The following DGKB variants were observed in gnomAD, a reference collection of about 807,000 sequenced individuals.
The protein encoded by DGKB is 90 kDa diacylglycerol kinase.
A neutral mutation model predicts 114.3 loss-of-function variants in DGKB; 67 were observed. That is an observed-to-expected ratio of 0.59 (90% CI 0.48 to 0.72). The LOEUF is 0.72. Among genes scored for constraint, DGKB ranks in the 30% least tolerant of loss-of-function variants. The pLI is 0.00. For synonymous variants in DGKB, 398 were observed against 323.1 expected (o/e 1.23, Z -2.49); for missense variants, 907 against 975.2 (o/e 0.93, Z 0.93).
chr7:14,530,013 G>A (rs750356537), intron 20 of DGKB, among the ~76,000 whole-genome samples: 2 of 151,668 alleles, frequency 1.3e-5, no homozygotes, highest in Admixed American at 6.6e-5. Context: ...ATGGACTGGA[G>A]TAGATTTATT....
chr7:14,362,702 T>A (rs182394186), intron 21 of DGKB, among the ~76,000 whole-genome samples: 214 of 152,246 alleles, frequency 1.4e-3, no homozygotes, highest in Non-Finnish European at 2.5e-3. Context: ...ATTTCTGGAC[T>A]AAGTTTTATA....
At chr7:14,435,707 T>A (rs557503775) in intron 21 of DGKB, among the ~76,000 whole-genome samples, 65 of 152,100 alleles carry the variant, frequency 4.3e-4, no homozygotes, top group Admixed American at 1.2e-3. Flanking sequence ...CTGTTCTTCA[T>A]GCAACAATAA....
intron 21 of DGKB, among the ~76,000 whole-genome samples, chr7:14,453,550 T>C (rs1046213205): frequency 1.3e-5 from 2 of 152,144 alleles, no homozygotes; most frequent in Non-Finnish European, 2.9e-5. Context: ...ACTGCATTTC[T>C]AACCATCTCC....
intron 2 of DGKB, among the ~76,000 whole-genome samples, chr7:14,769,125 G>GAAAGAAAGAAAGAA (rs879425687): frequency 6.0e-5 from 5 of 83,798 alleles, no homozygotes; most frequent in African/African-American, 9.2e-5. Context: ...AAGAAAGAAA[G>GAAAGAAAGAAAGAA]AGAGAGAGAG....
chr7:14,856,985 G>A (rs1158192876), intron 1 of DGKB, among the ~76,000 whole-genome samples: 1 of 152,094 alleles, frequency 6.6e-6, no homozygotes, highest in Non-Finnish European at 1.5e-5. Flanking sequence ...CCTGAAACAT[G>A]TTCCTGACCA....
rs755037246 is a variant in DGKB, at chr7:14,574,388, A to G, written c.1610-16T>C. 1.9e-6 allele frequency: 3 copies of G among 1,598,848 alleles called. No individual in the cohort carries two copies. The South Asian group carries it at 3.4e-5, about 18-fold the overall frequency. On this transcript the variant is annotated splice_polypyrimidine_tract_variant and intron_variant, in intron 19 of 25. Coordinates refer to ENST00000402815, the MANE Select transcript of DGKB (RefSeq NM_001350709.2). ...CCTTCGTAACCTAGTGGGAAAAAAA[A>G]ATACCTTGAGAAAAGAACTCTAACC...
At chr7:14,431,430 C>A (rs1459586636) in intron 21 of DGKB, among the ~76,000 whole-genome samples, 1 of 152,016 alleles carries the variant, frequency 6.6e-6, no homozygotes, top group Non-Finnish European at 1.5e-5. Context: ...TTGGATCAAC[C>A]TAATATTAAG....
chr7:14,910,420 A>C (rs1783942637), intron 1 of DGKB, among the ~76,000 whole-genome samples: 1 of 152,128 alleles, frequency 6.6e-6, no homozygotes, highest in South Asian at 2.1e-4. Flanking sequence ...TTCTTCCAAA[A>C]CATATTAAAA....
chr7:14,859,450 A>T (rs962348403), intron 1 of DGKB, among the ~76,000 whole-genome samples: 3 of 152,114 alleles, frequency 2.0e-5, no homozygotes, highest in Non-Finnish European at 1.5e-5. Flanking sequence ...AAGATAAGAA[A>T]ATGACTTCAA....
chr7:14,668,066 T>C (rs1377340863), intron 13 of DGKB, among the ~76,000 whole-genome samples: 1 of 152,028 alleles, frequency 6.6e-6, no homozygotes, highest in Non-Finnish European at 1.5e-5. Context: ...GGGATTCAAA[T>C]AGGGAATCAC....
chr7:14,264,597 T>C (rs1479578039), intron 23 of DGKB, among the ~76,000 whole-genome samples: 2 of 152,196 alleles, frequency 1.3e-5, no homozygotes, highest in Non-Finnish European at 2.9e-5. Flanking sequence ...AATTTTTAGA[T>C]CTATGAGTTG....
intron 10 of DGKB, among the ~76,000 whole-genome samples, chr7:14,683,442 A>G (rs1180929025): frequency 6.6e-6 from 1 of 152,160 alleles, no homozygotes; most frequent in African/African-American, 2.4e-5. Flanking sequence ...ATATGGAAAA[A>G]TTTATGTCAC....
intron 20 of DGKB, among the ~76,000 whole-genome samples, chr7:14,553,865 C>T (rs1469935157): frequency 8.3e-4 from 59 of 71,200 alleles, no homozygotes; most frequent in Admixed American, 2.6e-3. Context: ...CCTTTACATG[C>T]TTTTTTTTTT....
chr7:14,775,021 A>G (rs969270644), intron 2 of DGKB, among the ~76,000 whole-genome samples: 2 of 152,106 alleles, frequency 1.3e-5, no homozygotes, highest in African/African-American at 4.8e-5. Flanking sequence ...AGAATATATA[A>G]CCTTCCATGA....
chr7:14,462,386 C>A (rs1833214838), intron 21 of DGKB, among the ~76,000 whole-genome samples: 1 of 152,148 alleles, frequency 6.6e-6, no homozygotes, highest in Non-Finnish European at 1.5e-5. Context: ...TCTCCTTAAG[C>A]TGATAAGCAA....
rs1483834730 is a variant in DGKB, at chr7:14,338,609, A to C, written c.2028T>G (p.Ser676=). The change falls in exon 23 of 26, where the codon TCT becomes TCG. Residue 676 remains serine, a synonymous_variant. Transcript: ENST00000402815. The stretch of plus-strand genomic sequence containing the variant: ...TTCGTCGATGGCTTCGTCTTTTCTT[A>C]GACTCTCCCCAAAGATTGGATCCTC... ...MHGGSNLWGE[S]KKRRSHRRIE... 1 of 1,610,864 alleles carries C rather than the reference A, an allele frequency of 6.2e-7. No individual in the cohort carries two copies.
rs186403692 is a variant in DGKB, at chr7:14,682,910, T to C, written c.830-69A>G. On this transcript the variant is annotated intron_variant, in intron 10 of 25. Coordinates refer to ENST00000402815, the MANE Select transcript of DGKB (RefSeq NM_001350709.2). ...TGGTTGTAATTTTATAGAGAAAGAATGACATTAACAGAACCTCATTTCATA... is the reference window on the plus strand; with the variant it reads ...TGGTTGTAATTTTATAGAGAAAGAACGACATTAACAGAACCTCATTTCATA... The C allele has an allele frequency of 2.0e-4, 220 of 1,087,344 alleles. No homozygotes were observed. In the African/African-American group the frequency reaches 2.7e-3, roughly 13 times the overall value. The allele number at this position is 1,087,344 out of a possible 1,614,324, so 67.4% of individuals were successfully genotyped here. A position where few individuals can be genotyped will look rare whatever the true frequency, so the allele number is the denominator to read the frequency against.
intron 23 of DGKB, among the ~76,000 whole-genome samples, chr7:14,216,264 T>C (rs1050779623): frequency 2.0e-5 from 3 of 152,084 alleles, no homozygotes; most frequent in African/African-American, 7.2e-5. Flanking sequence ...AGAGAAGAAA[T>C]AAAATGACAC....
intron 20 of DGKB, among the ~76,000 whole-genome samples, chr7:14,512,575 C>A (rs1169023900): frequency 6.6e-6 from 1 of 152,028 alleles, no homozygotes; most frequent in Non-Finnish European, 1.5e-5. Flanking sequence ...TTTCTTAAAT[C>A]ATTCCTATAG....
Sources: gnomAD v4.1 joint callset for allele counts (sites outside exome capture counted in the v4.1 genomes callset) on GRCh38, gnomAD v4.1.1 for gene constraint, MANE v1.5 for transcripts, NCBI Gene and HGNC (gene_info 2026-07-23, HGNC 2026-07-21) for gene names.